The following AGAP1 variants were observed in gnomAD, a reference collection of about 807,000 sequenced individuals.
The protein encoded by AGAP1 is ArfGAP with GTPase domain, ankyrin repeat and PH domain 1, also known as arf-GAP with GTPase, ANK repeat and PH domain-containing protein 1.
In AGAP1, 29 loss-of-function variants were observed where a neutral mutation model predicts 105.3. The ratio of observed to expected loss-of-function variants is 0.28; its 90% CI spans 0.21 to 0.38. The LOEUF is 0.38. Among genes scored for constraint, AGAP1 ranks in the 10% least tolerant of loss-of-function variants. The pLI is 1.00. For synonymous variants in AGAP1, 509 were observed against 485.9 expected, an observed-to-expected ratio of 1.05 and a Z score of -0.63; for missense variants, 998 against 1,165.1, an observed-to-expected ratio of 0.86 and a Z score of 2.09.
intron 8 of AGAP1, among the ~76,000 whole-genome samples, chr2:235,800,594 G>C (rs1449788736): frequency 3.3e-5 from 5 of 152,194 alleles, no homozygotes; most frequent in Admixed American, 6.5e-5. Flanking sequence ...ATTTGGACTT[G>C]AGAAGAACGC....
At chr2:235,774,080 TTGTTTTACTGCCTTGCA>T in intron 6 of AGAP1, 1 of 434,092 alleles carries the variant, frequency 2.3e-6, no homozygotes, top group South Asian at 1.7e-5. Context: ...TAATCTCAGA[TTGTTTTACTGCCTTGCA>T]ATTAAATATC....
In AGAP1 at chr2:235,730,172, T is replaced by C. The variant is rs146273512; in HGVS notation, c.311-10791T>C. ...ATTGCATATTGAAAAAGAGAGTTCA[T>C]GTAAAGCCGATTATTATTTAATCTA... On this transcript the variant is annotated intron_variant, in intron 3 of 17. Transcript: ENST00000304032. Among the ~76,000 whole-genome samples the C allele has an allele frequency of 2.2e-3, 334 of 152,228 alleles. 2 individuals carry two copies. The highest frequency in any genetic ancestry group is 7.8e-3 in the African/African-American group (322 of 41,490).
At chr2:235,860,676 G>T (rs532259705) in intron 9 of AGAP1, among the ~76,000 whole-genome samples, 1 of 152,044 alleles carries the variant, frequency 6.6e-6, no homozygotes, top group Non-Finnish European at 1.5e-5. Flanking sequence ...CTGTTTTTTT[G>T]TAATAAATGT....
At position 235,691,055 on chromosome 2, in the gene AGAP1, A is replaced by G. The variant is rs143759334; in HGVS notation, c.164-18124A>G. Among the ~76,000 whole-genome samples the G allele has an allele frequency of 1.1e-3, 174 of 152,248 alleles. 1 individual carries two copies. The South Asian group carries it at 0.013, about 11-fold the overall frequency. On this transcript the variant is annotated intron_variant, in intron 1 of 17. Transcript: ENST00000304032. This position sits in a 1 kb window ranked among gnomAD's most constrained non-coding sequence, Gnocchi z 4.4. ...TCAGATTAGTGTGCCTAGAGTGCCA[A>G]GGTGGGGGTTGTAGACAAGATTCTA... is the stretch of plus-strand genomic sequence containing the variant.
intron 13 of AGAP1, among the ~76,000 whole-genome samples, chr2:235,980,445 A>G (rs1402398874): frequency 1.3e-5 from 2 of 152,170 alleles, no homozygotes; most frequent in African/African-American, 2.4e-5. Flanking sequence ...CTCCTAGTCA[A>G]TTTTTAGGCT....
chr2:235,837,234 C>T (rs1960274745), intron 9 of AGAP1, among the ~76,000 whole-genome samples: 2 of 152,210 alleles, frequency 1.3e-5, no homozygotes, highest in Non-Finnish European at 2.9e-5. Flanking sequence ...ATCCGCCCAC[C>T]TCGGCCTCCC....
intron 13 of AGAP1, among the ~76,000 whole-genome samples, chr2:235,990,301 C>T (rs1213500366): frequency 6.6e-6 from 1 of 152,226 alleles, no homozygotes; most frequent in African/African-American, 2.4e-5. Flanking sequence ...TGTCCAGCCG[C>T]ACCTTCCAGC....
chr2:235,926,253 A>C (rs1021283177), intron 11 of AGAP1, among the ~76,000 whole-genome samples: 2 of 152,250 alleles, frequency 1.3e-5, no homozygotes, highest in Non-Finnish European at 2.9e-5. Context: ...TGGAATGTGC[A>C]TGATTATTAA....
In AGAP1 at chr2:235,900,525, C is replaced by G. The variant is rs560341328; in HGVS notation, c.1156-8213C>G. ...GTGAGTGGTGCCACTTCCATTTCTG[C>G]CCCTTGATTCCTGGACCTGTGAATC... is the stretch of plus-strand genomic sequence containing the variant. On this transcript the variant is annotated intron_variant, in intron 10 of 17. Coordinates refer to ENST00000304032, the MANE Select transcript of AGAP1 (RefSeq NM_001037131.3). The surrounding 1 kb of genome is among the most constrained non-coding windows in gnomAD (Gnocchi z 5.5). Among the ~76,000 whole-genome samples the G allele has an allele frequency of 2.0e-4, 31 of 152,082 alleles. No individual in the cohort carries two copies. Among genetic ancestry groups the G allele is most frequent in the African/African-American group, 7.5e-4 (31 of 41,478 alleles).
rs190718876 is a variant in AGAP1 at position 236,035,147 on chromosome 2, G to A, written c.1646-1414G>A. Among the ~76,000 whole-genome samples, 217 of 152,340 alleles carry A rather than the reference G, an allele frequency of 1.4e-3. 1 individual carries two copies. Among genetic ancestry groups the A allele is most frequent in the Middle Eastern group, 3.4e-3 (1 of 294 alleles). On this transcript the variant is annotated intron_variant, in intron 13 of 17. Transcript: ENST00000304032. The surrounding 1 kb of genome is among the most constrained non-coding windows in gnomAD (Gnocchi z 4.2). ...CAAGAGTCTGGAAGATCAGAGGTCC[G>A]TGCAGTAGACATGAGCCAGCCCAAT...
rs564329602 is a variant in AGAP1 at position 235,983,286 on chromosome 2, G to A, written c.1645+14663G>A. Reference sequence around the variant, plus strand: ...CATGGCTGGGAGGGCATCCACCGGGGCAGGGGTCTGGGCAAGGGGCTTCTC... The same window carrying A: ...CATGGCTGGGAGGGCATCCACCGGGACAGGGGTCTGGGCAAGGGGCTTCTC... On this transcript the variant is annotated intron_variant, in intron 13 of 17. Coordinates refer to ENST00000304032, the MANE Select transcript of AGAP1 (RefSeq NM_001037131.3). This position sits in a 1 kb window ranked among gnomAD's most constrained non-coding sequence, Gnocchi z 4.5. Among the ~76,000 whole-genome samples, 137 of 152,292 alleles carry A rather than the reference G, an allele frequency of 9.0e-4. No homozygotes were observed. The highest frequency in any genetic ancestry group is 3.1e-3 in the African/African-American group (129 of 41,570).
At position 236,051,741 on chromosome 2, in the gene AGAP1, C is replaced by T. The variant is rs188848340; in HGVS notation, c.2114+2460C>T. ...GGAAGGGTTTGTCTATTCATGGGTT[C>T]TGTCTGTCCCACCTGTTCCCAAGAG... is the stretch of plus-strand genomic sequence containing the variant. On this transcript the variant is annotated intron_variant, in intron 16 of 17. Transcript: ENST00000304032. The surrounding 1 kb of genome is among the most constrained non-coding windows in gnomAD (Gnocchi z 5.9). Among the ~76,000 whole-genome samples, 47 of 152,310 alleles carry T rather than the reference C, an allele frequency of 3.1e-4. 2 individuals carry two copies. The East Asian group carries it at 4.5e-3, about 14-fold the overall frequency.
chr2:235,980,885 C>T (rs1398883898), intron 13 of AGAP1, among the ~76,000 whole-genome samples: 3 of 152,162 alleles, frequency 2.0e-5, no homozygotes, highest in East Asian at 1.9e-4. Context: ...TTGTTTCTTA[C>T]CAAAATGAGG....
At chr2:235,999,663 GTGA>G (rs1236743676) in intron 13 of AGAP1, among the ~76,000 whole-genome samples, 61 of 151,678 alleles carry the variant, frequency 4.0e-4, no homozygotes, top group Admixed American at 1.2e-3. Context: ...GGTGGTGGTG[GTGA>G]TGATGGTGGT....
At position 235,724,796 on chromosome 2, in the gene AGAP1, A is replaced by G. The variant is rs944521553; in HGVS notation, c.310+7152A>G. On this transcript the variant is annotated intron_variant, in intron 3 of 17. Transcript: ENST00000304032. The surrounding 1 kb of genome is among the most constrained non-coding windows in gnomAD (Gnocchi z 4.9). ...ACTCAGGAAAGTCGAGTTTCTGAGCATAAGTCATAGGAAATTCTCAAACAT... is the reference window on the plus strand; with the variant it reads ...ACTCAGGAAAGTCGAGTTTCTGAGCGTAAGTCATAGGAAATTCTCAAACAT... 6.6e-6 allele frequency among the ~76,000 whole-genome samples: 1 copy of G among 152,082 alleles called. No homozygotes were observed. The highest frequency in any genetic ancestry group is 2.4e-5 in the African/African-American group (1 of 41,408).
chr2:236,075,705 C>G (rs989496218), intron 16 of AGAP1, among the ~76,000 whole-genome samples: 3 of 152,182 alleles, frequency 2.0e-5, no homozygotes, highest in African/African-American at 7.2e-5. Context: ...TCAAGCTCTT[C>G]CCAAACCTCA....
Position 235,535,231 on chromosome 2 carries a change from AG to A in AGAP1, c.163+40384del, listed in dbSNP as rs1943172127. On this transcript the variant is annotated intron_variant, in intron 1 of 17. Coordinates refer to ENST00000304032, the MANE Select transcript of AGAP1 (RefSeq NM_001037131.3). The surrounding 1 kb of genome is among the most constrained non-coding windows in gnomAD (Gnocchi z 5.1). ...GCAGGAGCGGAAGACCCGATGGAGC[AG>A]GTTTCACAGTGCCCTCGCTGCTGCC... 2.6e-5 allele frequency among the ~76,000 whole-genome samples: 4 copies of A among 152,110 alleles called. No individual in the cohort carries two copies. The highest frequency in any genetic ancestry group is 2.6e-4 in the Admixed American group (4 of 15,272).
At position 235,665,605 on chromosome 2, in the gene AGAP1, A is replaced by G. The variant is rs1948101423; in HGVS notation, c.164-43574A>G. On this transcript the variant is annotated intron_variant, in intron 1 of 17. Coordinates refer to ENST00000304032, the MANE Select transcript of AGAP1 (RefSeq NM_001037131.3). The surrounding 1 kb of genome is among the most constrained non-coding windows in gnomAD (Gnocchi z 5.3). Reference sequence around the variant, plus strand: ...AGAATTTGAGTCTTATGCTAAAAATATAAAAGTATTAATAAGACGTTACTG... The same window carrying G: ...AGAATTTGAGTCTTATGCTAAAAATGTAAAAGTATTAATAAGACGTTACTG... 6.6e-6 allele frequency among the ~76,000 whole-genome samples: 1 copy of G among 152,230 alleles called. No homozygotes were observed. The highest frequency in any genetic ancestry group is 1.5e-5 in the Non-Finnish European group (1 of 68,050).
At chr2:236,069,083 C>T (rs115110485) in intron 16 of AGAP1, among the ~76,000 whole-genome samples, 1 of 150,906 alleles carries the variant, frequency 6.6e-6, no homozygotes, top group South Asian at 2.1e-4. Context: ...GCCGAGATCA[C>T]GCTAGTGCGC....
Sources: gnomAD v4.1 joint callset for allele counts (sites outside exome capture counted in the v4.1 genomes callset) on GRCh38, gnomAD v4.1.1 for gene constraint, Gnocchi (gnomAD v3.1) non-coding constraint, MANE v1.5 for transcripts, NCBI Gene and HGNC (gene_info 2026-07-23, HGNC 2026-07-21) for gene names.